Variants in PDCD6 observed in about 807,000 individuals in gnomAD.
PDCD6 encodes programmed cell death 6.
In PDCD6, 12 loss-of-function variants were observed where a neutral mutation model predicts 28.3. That is an observed-to-expected ratio of 0.42 (90% CI 0.27 to 0.69). The LOEUF (loss-of-function observed/expected upper bound fraction) is 0.69. Among genes scored for constraint, PDCD6 ranks in the 30% least tolerant of loss-of-function variants. The probability of loss-of-function intolerance (pLI) is 0.22; values close to 1 mark genes in which losing one functional copy is unlikely to be tolerated. For synonymous variants in PDCD6, 92 were observed against 108.0 expected (o/e 0.85, Z 0.92); for missense variants, 226 against 269.9 (o/e 0.84, Z 1.14).
intron 2 of PDCD6, among the ~76,000 whole-genome samples, chr5:282,305 G>A (rs143615507): frequency 0.092 from 13,851 of 149,954 alleles, 861 homozygotes; most frequent in Non-Finnish European, 0.13. Context: ...TTCGCGTTGA[G>A]GGTCTTTCAG....
intron 2 of PDCD6, among the ~76,000 whole-genome samples, chr5:274,467 C>T (rs3975659): frequency 1.1e-4 from 17 of 152,180 alleles, no homozygotes; most frequent in South Asian, 4.1e-4. Flanking sequence ...GTGTCCTCGC[C>T]GTTACTGGGA....
chr5:276,936 A>G (rs941649668), intron 2 of PDCD6: 11 of 985,122 alleles, frequency 1.1e-5, no homozygotes, highest in South Asian at 4.7e-5. Flanking sequence ...AAATGTTCCA[A>G]ACTATCTTGA....
chr5:295,055 G>A (rs1200240951), intron 2 of PDCD6, among the ~76,000 whole-genome samples: 4 of 152,166 alleles, frequency 2.6e-5, no homozygotes, highest in African/African-American at 4.8e-5. Context: ...GGGCGGTGGC[G>A]TGAGCACCTG....
At chr5:273,895 G>A (rs1475854677) in intron 2 of PDCD6, among the ~76,000 whole-genome samples, 1 of 151,230 alleles carries the variant, frequency 6.6e-6, no homozygotes, top group African/African-American at 2.4e-5. Context: ...TAGTGATTGT[G>A]CTTTCTTGGT....
At chr5:297,262 C>T (rs1182520662) in intron 2 of PDCD6, among the ~76,000 whole-genome samples, 1 of 152,248 alleles carries the variant, frequency 6.6e-6, no homozygotes, top group Admixed American at 6.5e-5. Flanking sequence ...TGTGGATCTA[C>T]CATGTGGTTA....
At chr5:295,410 C>G (rs1739549871) in intron 2 of PDCD6, among the ~76,000 whole-genome samples, 1 of 151,648 alleles carries the variant, frequency 6.6e-6, no homozygotes, top group Admixed American at 6.6e-5. Context: ...ATAATTTCTG[C>G]TGATGAGGTT....
chr5:302,070 C>CTGTGTGTGTGTGTGTGTGTG (rs369323059), intron 2 of PDCD6, among the ~76,000 whole-genome samples: 619 of 57,692 alleles, frequency 0.011, 69 homozygotes, highest in Non-Finnish European at 0.016. Context: ...GAGTGCTGCT[C>CTGTGTGTGTGTGTGTGTGTG]TGTGTGTGTG....
chr5:301,208 A>G (rs1740028696), intron 2 of PDCD6, among the ~76,000 whole-genome samples: 2 of 152,210 alleles, frequency 1.3e-5, no homozygotes. Context: ...AGCTCATGGC[A>G]TGAAGACAGA....
At chr5:312,551 G>C (rs1740988307) in intron 5 of PDCD6, 1 of 152,146 alleles carries the variant, frequency 6.6e-6, no homozygotes, top group South Asian at 2.1e-4. Flanking sequence ...TGTGAACATG[G>C]AAGCTTCAAA....
chr5:297,580 T>C (rs1739697777), intron 2 of PDCD6, among the ~76,000 whole-genome samples: 1 of 152,144 alleles, frequency 6.6e-6, no homozygotes, highest in Non-Finnish European at 1.5e-5. Flanking sequence ...CATGAAACCA[T>C]CACCAAATCA....
intron 2 of PDCD6, among the ~76,000 whole-genome samples, chr5:293,029 CCT>C (rs1203746896): frequency 6.6e-6 from 1 of 152,164 alleles, no homozygotes; most frequent in Non-Finnish European, 1.5e-5. Context: ...AAGTTTGTCC[CCT>C]CTCAAGTCTG....
At chr5:300,530 G>A (rs1482364658) in intron 2 of PDCD6, among the ~76,000 whole-genome samples, 1 of 152,268 alleles carries the variant, frequency 6.6e-6, no homozygotes, top group African/African-American at 2.4e-5. Context: ...TTCAGGGGAA[G>A]GCTTGGGATT....
At chr5:289,156 C>T (rs1347402742) in intron 2 of PDCD6, 1 of 1,055,516 alleles carries the variant, frequency 9.5e-7, no homozygotes. Flanking sequence ...ATAAAAGACT[C>T]TAAAAATAAG....
chr5:299,613 A>G (rs535996183), intron 2 of PDCD6, among the ~76,000 whole-genome samples: 63 of 151,480 alleles, frequency 4.2e-4, no homozygotes, highest in South Asian at 1.9e-3. Flanking sequence ...CCAGTGGTGC[A>G]ATCTCAGCTC....
rs1363351319 is a variant in PDCD6, at chr5:299,605, A to G, written c.164-4572A>G. Among the ~76,000 whole-genome samples, 3 of 150,664 alleles carry G rather than the reference A, an allele frequency of 2.0e-5. No homozygotes were observed. The East Asian group carries it at 5.9e-4, about 30-fold the overall frequency. On this transcript the variant is annotated intron_variant, in intron 2 of 5. Transcript: ENST00000264933. ...CACTTTGTCGCCCAGGCTGGAGTCC[A>G]GTGGTGCAATCTCAGCTCACTGCAA...
Position 307,242 on chromosome 5 carries a change from GGC to G in PDCD6, c.367+484_367+485del, listed in dbSNP as rs1312951005. ...AGGTGTGCTCGGCGTGTGTGTGCTCGGCGTGTGTGTGCTCGGCGTGTGTGTGC... is the reference window on the plus strand; with the variant it reads ...AGGTGTGCTCGGCGTGTGTGTGCTCGGTGTGTGTGCTCGGCGTGTGTGTGC... On this transcript the variant is annotated intron_variant, in intron 4 of 5. Transcript: ENST00000264933. The surrounding 1 kb of genome is among the most constrained non-coding windows in gnomAD (Gnocchi z 6.1). Among the ~76,000 whole-genome samples the G allele has an allele frequency of 7.7e-6, 1 of 129,130 alleles. No individual in the cohort carries two copies. The highest frequency in any genetic ancestry group is 3.6e-5 in the African/African-American group (1 of 27,930). 84.7% of individuals were successfully genotyped at this position (129,130 alleles called of 152,430 possible).
intron 2 of PDCD6, among the ~76,000 whole-genome samples, chr5:286,937 G>A (rs1032357819): frequency 1.3e-5 from 2 of 152,056 alleles, no homozygotes; most frequent in Admixed American, 1.3e-4. Context: ...CTAGTTGAGG[G>A]TTGTGGATCT....
intron 2 of PDCD6, among the ~76,000 whole-genome samples, chr5:295,005 G>A (rs980951281): frequency 1.2e-4 from 18 of 152,128 alleles, no homozygotes; most frequent in African/African-American, 2.2e-4. Context: ...CAGTGGTTTC[G>A]AGGGGCTACG....
Position 271,810 on chromosome 5 carries a change from CG to C in PDCD6, c.91del (p.Val31PhefsTer12), listed in dbSNP as rs1737820253. On this transcript the variant is annotated frameshift_variant, in exon 1 of 6. Coordinates refer to ENST00000264933, the MANE Select transcript of PDCD6 (RefSeq NM_013232.4). Reference protein sequence around the residue: ...ALPDQSFLWNVFQRVDKDRSG... With the variant: ...ALPDQSFLWNXFQRVDKDRSG... The stretch of plus-strand genomic sequence containing the variant: ...TGCCGGACCAGAGCTTCCTGTGGAA[CG>C]TTTTCCAGAGGTGCGGCCTGGCACC... The C allele has an allele frequency of 2.8e-5, 40 of 1,447,980 alleles. No individual in the cohort carries two copies. The highest frequency in any genetic ancestry group is 3.5e-5 in the Non-Finnish European group (39 of 1,103,904). The allele number at this position is 1,447,980 out of a possible 1,614,324, so 89.7% of individuals were successfully genotyped here. A position where few individuals can be genotyped will look rare whatever the true frequency, so the allele number is the denominator to read the frequency against.
Sources: gnomAD v4.1 joint callset for allele counts (sites outside exome capture counted in the v4.1 genomes callset) on GRCh38, gnomAD v4.1.1 for gene constraint, Gnocchi (gnomAD v3.1) non-coding constraint, MANE v1.5 for transcripts, NCBI Gene and HGNC (gene_info 2026-07-23, HGNC 2026-07-21) for gene names.